Variants in FRMD5 observed in about 807,000 individuals in gnomAD.
FRMD5 encodes FERM domain containing 5.
A neutral mutation model predicts 69.0 loss-of-function variants in FRMD5; 20 were observed. That is an observed-to-expected ratio of 0.29 (90% CI 0.20 to 0.42). The LOEUF is 0.42. FRMD5 is among the 10% of genes least tolerant of loss of function. The pLI, the probability that FRMD5 is intolerant of heterozygous loss-of-function variation, is 1.00. For synonymous variants in FRMD5, 271 were observed against 260.1 expected (o/e 1.04, Z -0.40); for missense variants, 595 against 708.6 (o/e 0.84, Z 1.82).
At chr15:43,962,634 CACACT>C (rs2090221387) in intron 1 of FRMD5, among the ~76,000 whole-genome samples, 1 of 152,212 alleles carries the variant, frequency 6.6e-6, no homozygotes, top group Non-Finnish European at 1.5e-5. Flanking sequence ...CTGGAGGCAT[CACACT>C]ACCTGACTTC....
intron 1 of FRMD5, among the ~76,000 whole-genome samples, chr15:44,083,555 T>C (rs1264558056): frequency 1.3e-5 from 2 of 151,992 alleles, no homozygotes; most frequent in East Asian, 1.9e-4. Flanking sequence ...CAGGATTTTT[T>C]CCCCCACTGC....
chr15:43,945,793 C>T (rs2089937149), intron 1 of FRMD5, among the ~76,000 whole-genome samples: 1 of 152,224 alleles, frequency 6.6e-6, no homozygotes, highest in Non-Finnish European at 1.5e-5. Context: ...CAGGTGGTGG[C>T]TCACCTGTAA....
At chr15:44,065,169 G>A (rs897928998) in intron 1 of FRMD5, among the ~76,000 whole-genome samples, 5 of 152,132 alleles carry the variant, frequency 3.3e-5, no homozygotes, top group East Asian at 1.9e-4. Flanking sequence ...AGAATTAAAC[G>A]AAATAATGAA....
upstream of FRMD5, among the ~76,000 whole-genome samples, chr15:44,198,531 G>A (rs1324784763): frequency 1.3e-5 from 2 of 152,062 alleles, no homozygotes; most frequent in African/African-American, 4.8e-5. Context: ...CTAGATGTAT[G>A]TCTCCACAAA....
chr15:44,185,462 C>G (rs1244603702), intron 1 of FRMD5, among the ~76,000 whole-genome samples: 1 of 152,136 alleles, frequency 6.6e-6, no homozygotes, highest in Non-Finnish European at 1.5e-5. Context: ...ACCTACAAAC[C>G]TCCAATTCCA....
chr15:43,933,125 G>T (rs1262012707), intron 1 of FRMD5, among the ~76,000 whole-genome samples: 1 of 152,164 alleles, frequency 6.6e-6, no homozygotes, highest in African/African-American at 2.4e-5. Flanking sequence ...GAGACAGCTG[G>T]GGCCCAGAGC....
chr15:43,984,829 T>C (rs905889753), intron 1 of FRMD5, among the ~76,000 whole-genome samples: 3 of 151,548 alleles, frequency 2.0e-5, no homozygotes, highest in Non-Finnish European at 2.9e-5. Flanking sequence ...ACCAAAAATA[T>C]AAAAATTAGC....
chr15:44,075,809 A>G (rs961374082), intron 1 of FRMD5, among the ~76,000 whole-genome samples: 2 of 152,212 alleles, frequency 1.3e-5, no homozygotes, highest in Non-Finnish European at 2.9e-5. Context: ...AAGTCCCGAC[A>G]AGCAGAGGAA....
At chr15:43,963,472 G>T (rs2140549873) in intron 1 of FRMD5, among the ~76,000 whole-genome samples, 1 of 152,298 alleles carries the variant, frequency 6.6e-6, no homozygotes, top group South Asian at 2.1e-4. Flanking sequence ...CTGTAAACTA[G>T]TTCAACCATT....
intron 1 of FRMD5, among the ~76,000 whole-genome samples, chr15:44,175,690 C>T (rs1233172136): frequency 6.6e-6 from 1 of 151,990 alleles, no homozygotes; most frequent in African/African-American, 2.4e-5. Context: ...TTATTCATAA[C>T]TGCCAAAAAA....
At chr15:44,019,669 G>A (rs1270335986) in intron 1 of FRMD5, among the ~76,000 whole-genome samples, 1 of 149,132 alleles carries the variant, frequency 6.7e-6, no homozygotes, top group Non-Finnish European at 1.5e-5. Flanking sequence ...CCCGGGAAGC[G>A]GAGGTTGCAG....
intron 1 of FRMD5, among the ~76,000 whole-genome samples, chr15:44,001,634 AATCACTTTGTCATTCAGGCTGG>A (rs1166994024): frequency 1.3e-5 from 2 of 151,582 alleles, no homozygotes; most frequent in African/African-American, 4.8e-5. Flanking sequence ...TTGAGACAAA[AATCACTTTGTCATTCAGGCTGG>A]AGTCCAGTGG....
intron 1 of FRMD5, among the ~76,000 whole-genome samples, chr15:44,130,934 T>C (rs2077089873): frequency 6.6e-6 from 1 of 152,190 alleles, no homozygotes; most frequent in African/African-American, 2.4e-5. Flanking sequence ...AAATAAATAA[T>C]TTGTTTTCTT....
At chr15:44,039,194 C>A (rs944208152) in intron 1 of FRMD5, among the ~76,000 whole-genome samples, 7 of 152,222 alleles carry the variant, frequency 4.6e-5, no homozygotes, top group African/African-American at 1.7e-4. Context: ...AGATAAAACC[C>A]CCATCTCCCT....
intron 1 of FRMD5, among the ~76,000 whole-genome samples, chr15:43,962,726 G>T (rs1188349115): frequency 6.6e-6 from 1 of 152,168 alleles, no homozygotes; most frequent in African/African-American, 2.4e-5. Context: ...CAATGGAACA[G>T]AACAGAGCCC....
chr15:43,900,618 GGTTTTT>G (rs933209535), intron 7 of FRMD5, among the ~76,000 whole-genome samples: 6 of 146,118 alleles, frequency 4.1e-5, no homozygotes, highest in African/African-American at 1.6e-4. Flanking sequence ...ATTCATTCCT[GGTTTTT>G]TTTTTTTTTT....
At chr15:44,164,587 T>C (rs1387828505) in intron 1 of FRMD5, among the ~76,000 whole-genome samples, 1 of 152,198 alleles carries the variant, frequency 6.6e-6, no homozygotes, top group African/African-American at 2.4e-5. Flanking sequence ...AACATAAATA[T>C]AATGGATTTT....
chr15:44,149,281 G>T (rs993395894), intron 1 of FRMD5, among the ~76,000 whole-genome samples: 7 of 148,368 alleles, frequency 4.7e-5, no homozygotes, highest in Non-Finnish European at 9.0e-5. Flanking sequence ...CACACAAAAA[G>T]AAATAAGAAA....
At chr15:43,978,612 C>T (rs189412018) in intron 1 of FRMD5, among the ~76,000 whole-genome samples, 9 of 152,178 alleles carry the variant, frequency 5.9e-5, no homozygotes, top group East Asian at 3.9e-4. Context: ...AGTGCAGTGG[C>T]GCAATATTGG....
Sources: allele counts gnomAD v4.1 joint callset (sites outside exome capture counted in the v4.1 genomes callset), GRCh38; gene constraint gnomAD v4.1.1; transcripts MANE v1.5; gene names NCBI Gene and HGNC (gene_info 2026-07-23, HGNC 2026-07-21).